Variants in CCDC60 observed in about 807,000 individuals in gnomAD.
CCDC60 encodes coiled-coil domain containing 60, also known as coiled-coil domain-containing protein 60.
Under a neutral mutation model 63.5 loss-of-function variants are expected in CCDC60, and 54 were observed. That is an observed-to-expected ratio of 0.85 (90% CI 0.68 to 1.07). The LOEUF (loss-of-function observed/expected upper bound fraction) is 1.07. Among genes scored for constraint, CCDC60 ranks in the 50% least tolerant of loss-of-function variants. The pLI, the probability that CCDC60 is intolerant of heterozygous loss-of-function variation, is 0.00. For missense variants in CCDC60, 651 were observed against 684.3 expected, an observed-to-expected ratio of 0.95 and a Z score of 0.54; for synonymous variants, 206 against 238.8, an observed-to-expected ratio of 0.86 and a Z score of 1.27.
intron 2 of CCDC60, among the ~76,000 whole-genome samples, chr12:119,453,898 GTGATGA>G (rs377413915): frequency 6.6e-5 from 10 of 151,810 alleles, no homozygotes; most frequent in South Asian, 2.1e-4. Context: ...TTTGATGATT[GTGATGA>G]TGATGATGAT....
intron 2 of CCDC60, among the ~76,000 whole-genome samples, chr12:119,444,049 G>A (rs1411920380): frequency 6.6e-6 from 1 of 152,204 alleles, no homozygotes; most frequent in Non-Finnish European, 1.5e-5. Context: ...CCACTCTGCA[G>A]GTGAGATTTT....
chr12:119,396,167 A>G (rs988309467), intron 1 of CCDC60, among the ~76,000 whole-genome samples: 1 of 151,974 alleles, frequency 6.6e-6, no homozygotes, highest in African/African-American at 2.4e-5. Context: ...CGAACTCCTG[A>G]CCTCAAGTGA....
chr12:119,413,290 A>C (rs1565995275), intron 1 of CCDC60, among the ~76,000 whole-genome samples: 2 of 152,150 alleles, frequency 1.3e-5, no homozygotes, highest in Non-Finnish European at 2.9e-5. Context: ...ATTTCAATCA[A>C]GTGAGAGAAG....
At chr12:119,361,041 C>T (rs1436055497) in intron 1 of CCDC60, among the ~76,000 whole-genome samples, 1 of 151,930 alleles carries the variant, frequency 6.6e-6, no homozygotes, top group African/African-American at 2.4e-5. Flanking sequence ...CAGGCTGAGG[C>T]AGGAGAATCA....
intron 1 of CCDC60, among the ~76,000 whole-genome samples, chr12:119,414,775 C>T (rs187243558): frequency 2.6e-5 from 4 of 152,164 alleles, no homozygotes; most frequent in Admixed American, 6.5e-5. Context: ...TGGTCTCAAA[C>T]GCCTGGCCTC....
chr12:119,455,751 G>GAAAGA (rs1280154084), intron 2 of CCDC60, among the ~76,000 whole-genome samples: 2 of 88,542 alleles, frequency 2.3e-5, no homozygotes, highest in Admixed American at 1.4e-4. Context: ...AAGAAGGAAA[G>GAAAGA]AAAGAAAAGA....
intron 1 of CCDC60, among the ~76,000 whole-genome samples, chr12:119,418,317 A>G (rs1956741249): frequency 6.6e-6 from 1 of 151,138 alleles, no homozygotes; most frequent in Admixed American, 6.6e-5. Context: ...GTCACAATAC[A>G]GTTAACACAG....
chr12:119,433,196 C>T (rs913847089), intron 2 of CCDC60, among the ~76,000 whole-genome samples: 10 of 152,228 alleles, frequency 6.6e-5, no homozygotes, highest in African/African-American at 1.7e-4. Flanking sequence ...CCACGGGGGA[C>T]GTGCCCCAAG....
chr12:119,515,435 C>T (rs1202816037), intron 7 of CCDC60, among the ~76,000 whole-genome samples: 1 of 152,100 alleles, frequency 6.6e-6, no homozygotes, highest in African/African-American at 2.4e-5. Context: ...ATTCTCCCAC[C>T]TCAGCCTCCT....
chr12:119,334,924 T>C lies in CCDC60; in HGVS notation c.-253T>C. On this transcript the variant is annotated 5_prime_UTR_variant, in exon 1 of 14. Transcript: ENST00000327554. The stretch of plus-strand genomic sequence containing the variant: ...AGAGGAGGAAGCTTACAGAAGTTTA[T>C]AACCTTTCAAAAAGTAAATAAGTCC... The C allele has an allele frequency of 2.7e-6, 1 of 369,298 alleles. No homozygotes were observed. Among genetic ancestry groups the C allele is most frequent in the Non-Finnish European group, 4.8e-6 (1 of 207,886 alleles). The allele number at this position is 369,298 out of a possible 1,614,324, so 22.9% of individuals were successfully genotyped here.
At chr12:119,341,643 T>G (rs1003823323) in intron 1 of CCDC60, among the ~76,000 whole-genome samples, 1 of 152,198 alleles carries the variant, frequency 6.6e-6, no homozygotes, top group Non-Finnish European at 1.5e-5. Flanking sequence ...CTCCTCTCCC[T>G]TCTCTGATTG....
intron 2 of CCDC60, among the ~76,000 whole-genome samples, chr12:119,439,192 G>A (rs1428120404): frequency 2.8e-5 from 4 of 142,766 alleles, no homozygotes; most frequent in Non-Finnish European, 4.5e-5. Flanking sequence ...CTCAGTCCCT[G>A]CATTGCCCTA....
At chr12:119,482,099 C>CACATATATACACACATATATAT (rs1203369363) in intron 4 of CCDC60, among the ~76,000 whole-genome samples, 51 of 130,036 alleles carry the variant, frequency 3.9e-4, no homozygotes, top group Admixed American at 3.5e-3. Flanking sequence ...TATATATATA[C>CACATATATACACACATATATAT]ACATATATAC....
At chr12:119,400,859 A>G (rs998266281) in intron 1 of CCDC60, among the ~76,000 whole-genome samples, 19 of 152,220 alleles carry the variant, frequency 1.2e-4, no homozygotes, top group African/African-American at 4.6e-4. Context: ...ATTTGGGCCA[A>G]TGGGTGCAGG....
chr12:119,527,855 A>G (rs953822446), intron 11 of CCDC60, among the ~76,000 whole-genome samples: 1 of 148,772 alleles, frequency 6.7e-6, no homozygotes, highest in Non-Finnish European at 1.5e-5. Flanking sequence ...TTTTTTTTGT[A>G]TTTTTTTAGT....
At chr12:119,510,134 C>T (rs1566052454) in intron 7 of CCDC60, among the ~76,000 whole-genome samples, 1 of 152,144 alleles carries the variant, frequency 6.6e-6, no homozygotes, top group Non-Finnish European at 1.5e-5. Flanking sequence ...TACTTTTCTC[C>T]ATGTTGAGTC....
intron 3 of CCDC60, among the ~76,000 whole-genome samples, chr12:119,477,477 T>C (rs994126981): frequency 2.6e-5 from 4 of 152,158 alleles, no homozygotes; most frequent in Admixed American, 2.6e-4. Context: ...TGTACCCATC[T>C]CCCCCACTAG....
intron 6 of CCDC60, 92 bp from the exon 7 acceptor site, chr12:119,504,977 C>G: frequency 1.1e-6 from 1 of 893,866 alleles, no homozygotes; most frequent in Non-Finnish European, 1.7e-6. Flanking sequence ...TGTCTGCTGT[C>G]CCTCCCCACC....
intron 9 of CCDC60, among the ~76,000 whole-genome samples, chr12:119,520,629 T>C (rs3891311): frequency 0.082 from 12,309 of 149,436 alleles, 620 homozygotes; most frequent in Non-Finnish European, 0.11. Flanking sequence ...GCAACCTCCA[T>C]CTCTTGGGTT....
Sources: gnomAD v4.1 joint callset for allele counts (sites outside exome capture counted in the v4.1 genomes callset) on GRCh38, gnomAD v4.1.1 for gene constraint, MANE v1.5 for transcripts, NCBI Gene and HGNC (gene_info 2026-07-23, HGNC 2026-07-21) for gene names.